Variants in SWAP70 observed in about 807,000 individuals in gnomAD.
SWAP70 encodes switching B cell complex subunit SWAP70.
SWAP70 carries 34 observed loss-of-function variants against 80.2 expected under a neutral mutation model. That is an observed-to-expected ratio of 0.42 (90% CI 0.32 to 0.56). The LOEUF (loss-of-function observed/expected upper bound fraction) is 0.56, where lower values mean the gene tolerates loss of function less well. Among genes scored for constraint, SWAP70 ranks in the 20% least tolerant of loss-of-function variants. The pLI, the probability that SWAP70 is intolerant of heterozygous loss-of-function variation, is 0.09. For missense variants in SWAP70, 578 were observed against 690.7 expected (o/e 0.84, Z 1.83); for synonymous variants, 239 against 238.5 (o/e 1.00, Z -0.02).
At chr11:9,720,651 G>C (rs1479359674) in intron 3 of SWAP70, among the ~76,000 whole-genome samples, 1 of 151,996 alleles carries the variant, frequency 6.6e-6, no homozygotes, top group Admixed American at 6.6e-5. Flanking sequence ...TGTATTCCCT[G>C]TACCCCAAGT....
chr11:9,698,093 GTTTTTTGTTT>G (rs1850782475), intron 2 of SWAP70, among the ~76,000 whole-genome samples: 1 of 109,584 alleles, frequency 9.1e-6, no homozygotes, highest in Admixed American at 1.1e-4. Flanking sequence ...GCCAATACAT[GTTTTTTGTTT>G]TTTTTTTTTT....
intron 2 of SWAP70, among the ~76,000 whole-genome samples, chr11:9,709,555 C>T (rs1043402892): frequency 6.6e-6 from 1 of 152,106 alleles, no homozygotes; most frequent in African/African-American, 2.4e-5. Flanking sequence ...CAGAATCTCT[C>T]ACTTTGTCAC....
chr11:9,740,175 C>G lies in SWAP70; in HGVS notation c.1189-6C>G, dbSNP rs775013483. The G allele has an allele frequency of 3.7e-6, 6 of 1,613,208 alleles. No individual in the cohort carries two copies. The highest frequency in any genetic ancestry group is 3.4e-6 in the Non-Finnish European group (4 of 1,179,520). ...GCATTTAAACAAGACCCTTTTATAC[C>G]AACAGATCAGACAGCAGATGGAAGA... is the stretch of plus-strand genomic sequence containing the variant. On this transcript the variant is annotated splice_polypyrimidine_tract_variant and splice_region_variant and intron_variant, in intron 8 of 11. Coordinates refer to ENST00000318950, the MANE Select transcript of SWAP70 (RefSeq NM_015055.4).
chr11:9,674,893 C>T (rs1033272917), intron 1 of SWAP70, among the ~76,000 whole-genome samples: 1 of 151,690 alleles, frequency 6.6e-6, no homozygotes, highest in South Asian at 2.1e-4. Flanking sequence ...GGTGTGAACC[C>T]GGGAGGCAGA....
chr11:9,707,552 C>CTTTTTTTTTTTTTTTTTTTTTTTTT (rs200003596), intron 2 of SWAP70, among the ~76,000 whole-genome samples: 1 of 132,280 alleles, frequency 7.6e-6, no homozygotes, highest in African/African-American at 2.8e-5. Context: ...TTTTCTTTTT[C>CTTTTTTTTTTTTTTTTTTTTTTTTT]TTTTCTTTTT....
At chr11:9,701,691 CT>C (rs1163108695) in intron 2 of SWAP70, among the ~76,000 whole-genome samples, 1,236 of 68,554 alleles carry the variant, frequency 0.018, 6 homozygotes, top group African/African-American at 0.045. Flanking sequence ...TTTGTGGGCT[CT>C]TTTTTTTTTT....
At chr11:9,707,869 A>C (rs1476162655) in intron 2 of SWAP70, among the ~76,000 whole-genome samples, 1 of 151,996 alleles carries the variant, frequency 6.6e-6, no homozygotes, top group Non-Finnish European at 1.5e-5. Context: ...ATTTTCTTTT[A>C]AAAAATTTAA....
At chr11:9,721,840 C>T (rs1005268603) in intron 3 of SWAP70, among the ~76,000 whole-genome samples, 1 of 151,932 alleles carries the variant, frequency 6.6e-6, no homozygotes, top group Non-Finnish European at 1.5e-5. Context: ...GTCTATTTTT[C>T]TGTTAAAATA....
chr11:9,684,827 A>T (rs1330623694), intron 1 of SWAP70, among the ~76,000 whole-genome samples: 1 of 152,206 alleles, frequency 6.6e-6, no homozygotes, highest in Non-Finnish European at 1.5e-5. Flanking sequence ...AAATTCTTAA[A>T]TGGGACTAAT....
intron 1 of SWAP70, among the ~76,000 whole-genome samples, chr11:9,674,868 C>T (rs1850467397): frequency 6.6e-6 from 1 of 151,700 alleles, no homozygotes. Flanking sequence ...ACTCGGGAGG[C>T]TGAGGCAGGA....
At chr11:9,727,193 A>C (rs1230400849) in intron 4 of SWAP70, among the ~76,000 whole-genome samples, 2 of 132,824 alleles carry the variant, frequency 1.5e-5, no homozygotes, top group Admixed American at 1.4e-4. Context: ...GCTTGAGACC[A>C]TCTGGCCAAC....
intron 7 of SWAP70, among the ~76,000 whole-genome samples, chr11:9,735,698 C>G (rs58468060): frequency 6.6e-6 from 1 of 152,184 alleles, no homozygotes; most frequent in Non-Finnish European, 1.5e-5. Context: ...TTGATAATAT[C>G]TTGGTGAGAA....
intron 1 of SWAP70, among the ~76,000 whole-genome samples, chr11:9,681,531 T>A (rs1850568422): frequency 6.6e-6 from 1 of 152,120 alleles, no homozygotes; most frequent in Non-Finnish European, 1.5e-5. Flanking sequence ...ATGATGTAGG[T>A]TTAATGACTA....
intron 4 of SWAP70, 61 bp downstream of exon 4, chr11:9,724,946 A>G: frequency 8.2e-7 from 1 of 1,215,422 alleles, no homozygotes; most frequent in Non-Finnish European, 1.2e-6. Flanking sequence ...TAAAATTAAT[A>G]TTTTTGTCAC....
intron 1 of SWAP70, among the ~76,000 whole-genome samples, chr11:9,676,249 A>G (rs1402003112): frequency 3.3e-5 from 5 of 152,220 alleles, no homozygotes; most frequent in Non-Finnish European, 7.3e-5. Flanking sequence ...GTATTGAGAG[A>G]GATGGAAAGG....
intron 2 of SWAP70, among the ~76,000 whole-genome samples, chr11:9,699,605 A>G (rs992626664): frequency 1.3e-5 from 2 of 152,108 alleles, no homozygotes; most frequent in Non-Finnish European, 2.9e-5. Flanking sequence ...CTGTAATCCC[A>G]GTGCTTTGGG....
rs1213458260 is a variant in SWAP70 at position 9,725,555 on chromosome 11, ATATATATATATATATTTTTTTTT to A, written c.642+672_642+694del. Among the ~76,000 whole-genome samples the A allele has an allele frequency of 6.0e-3, 67 of 11,206 alleles. 1 individual carries two copies. Among genetic ancestry groups the A allele is most frequent in the Admixed American group, 0.018 (16 of 894 alleles). The allele number at this position is 11,206 out of a possible 152,430, so 7.4% of individuals were successfully genotyped here. ...AATATATATATATATATATATATAT[ATATATATATATATATTTTTTTTT>A]TTTTTTTTTTCCAAGACGGAATTTC... On this transcript the variant is annotated intron_variant, in intron 4 of 11. Coordinates refer to ENST00000318950, the MANE Select transcript of SWAP70 (RefSeq NM_015055.4).
intron 3 of SWAP70, among the ~76,000 whole-genome samples, chr11:9,723,442 A>G (rs1038732517): frequency 6.6e-6 from 1 of 152,156 alleles, no homozygotes; most frequent in Non-Finnish European, 1.5e-5. Context: ...TTGACTTCAT[A>G]GTGGGCCATA....
chr11:9,740,429 G>A (rs779182407), intron 9 of SWAP70, 82 bp downstream of exon 9: 8 of 1,392,178 alleles, frequency 5.7e-6, no homozygotes, highest in Non-Finnish European at 8.2e-6. Context: ...ACACTCTGGT[G>A]GAGAGGGAGA....
Sources: allele counts gnomAD v4.1 joint callset (sites outside exome capture counted in the v4.1 genomes callset), GRCh38; gene constraint gnomAD v4.1.1; transcripts MANE v1.5; gene names NCBI Gene and HGNC (gene_info 2026-07-23, HGNC 2026-07-21).